The following PRKN variants were observed in gnomAD, a reference collection of about 807,000 sequenced individuals.
The protein encoded by PRKN is E3 ubiquitin-protein ligase parkin.
A neutral mutation model predicts 59.5 loss-of-function variants in PRKN; 56 were observed. The ratio of observed to expected loss-of-function variants is 0.94; its 90% CI spans 0.76 to 1.18. The LOEUF is 1.18. Ranked by LOEUF, PRKN falls within the 50% of genes most tolerant of loss-of-function variation. The pLI, the probability that PRKN is intolerant of heterozygous loss-of-function variation, is 0.00. For synonymous variants in PRKN, 250 were observed against 222.1 expected, an observed-to-expected ratio of 1.13 and a Z score of -1.12; for missense variants, 657 against 596.4, an observed-to-expected ratio of 1.10 and a Z score of -1.06.
chr6:162,615,486 T>C (rs1782370006), intron 1 of PRKN, among the ~76,000 whole-genome samples: 1 of 152,058 alleles, frequency 6.6e-6, no homozygotes, highest in Non-Finnish European at 1.5e-5. Context: ...ATGTACACCC[T>C]TGGCAGGCAC....
chr6:161,927,108 A>G (rs901972223), intron 6 of PRKN, among the ~76,000 whole-genome samples: 1 of 152,208 alleles, frequency 6.6e-6, no homozygotes, highest in African/African-American at 2.4e-5. Flanking sequence ...TGAAAAAAAA[A>G]TACACATACA....
At chr6:162,602,420 G>A (rs1781747691) in intron 1 of PRKN, among the ~76,000 whole-genome samples, 1 of 152,208 alleles carries the variant, frequency 6.6e-6, no homozygotes, top group Non-Finnish European at 1.5e-5. Flanking sequence ...ACAGAGGTGG[G>A]TGAAGCCAGA....
rs187067873 is a variant in PRKN, at chr6:162,467,811, C to T, written c.8-24338G>A. On this transcript the variant is annotated intron_variant, in intron 1 of 11. Transcript: ENST00000366898. Reference sequence around the variant, plus strand: ...GTCCTCCAGCCTCAACCCCCTGTCACGCTCCCGCTACGCCGCCCACCGAGC... The same window carrying T: ...GTCCTCCAGCCTCAACCCCCTGTCATGCTCCCGCTACGCCGCCCACCGAGC... Among the ~76,000 whole-genome samples, 302 of 151,862 alleles carry T rather than the reference C, an allele frequency of 2.0e-3. 1 individual carries two copies. The highest frequency in any genetic ancestry group is 8.4e-3 in the South Asian group (40 of 4,782).
chr6:161,412,376 T>C (rs1485582631), intron 9 of PRKN, among the ~76,000 whole-genome samples: 1 of 150,698 alleles, frequency 6.6e-6, no homozygotes, highest in Non-Finnish European at 1.5e-5. Context: ...CACTCACTCA[T>C]TCCTCCACTC....
At chr6:162,469,630 T>A (rs1488502976) in intron 1 of PRKN, among the ~76,000 whole-genome samples, 2 of 151,946 alleles carry the variant, frequency 1.3e-5, no homozygotes, top group Non-Finnish European at 2.9e-5. Flanking sequence ...AACTCAGGAA[T>A]GGCAAACCAA....
chr6:162,260,207 G>A (rs1391763724), intron 3 of PRKN, among the ~76,000 whole-genome samples: 4 of 152,104 alleles, frequency 2.6e-5, no homozygotes, highest in Admixed American at 6.5e-5. Flanking sequence ...CCTGCCAAAA[G>A]CACAAGGCTG....
At position 162,262,625 on chromosome 6, in the gene PRKN, C is replaced by G; in HGVS notation, c.312G>C (p.Arg104=). The G allele has an allele frequency of 6.2e-7, 1 of 1,613,832 alleles. No homozygotes were observed. The highest frequency in any genetic ancestry group is 8.5e-7 in the Non-Finnish European group (1 of 1,179,972). Residue 104 remains arginine (R), a synonymous_variant, in exon 3 of 12, where the codon CGG becomes CGC. Coordinates refer to ENST00000366898, the MANE Select transcript of PRKN (RefSeq NM_004562.3). ...GGAGGACTGAGCTGCTGAGGTCCAC[C>G]CGAGTCAAGCTCTGGGGCTCCCGCT... ...GCEREPQSLT[R]VDLSSSVLPG...
intron 4 of PRKN, among the ~76,000 whole-genome samples, chr6:162,054,669 G>C (rs1777785357): frequency 6.6e-6 from 1 of 152,204 alleles, no homozygotes; most frequent in Non-Finnish European, 1.5e-5. Flanking sequence ...ACCTAGAGGA[G>C]GGCCTGGCAT....
At chr6:162,393,150 A>T (rs555572832) in intron 2 of PRKN, among the ~76,000 whole-genome samples, 330 of 87,454 alleles carry the variant, frequency 3.8e-3, no homozygotes, top group Non-Finnish European at 6.0e-3. Context: ...TGAGGATAGG[A>T]GATTCTTTTT....
At chr6:161,599,707 G>A (rs976041290) in intron 7 of PRKN, among the ~76,000 whole-genome samples, 1 of 152,196 alleles carries the variant, frequency 6.6e-6, no homozygotes. Flanking sequence ...TGTTCTAGCT[G>A]TGTTTGGCAG....
At chr6:162,121,597 C>G (rs1780917444) in intron 4 of PRKN, among the ~76,000 whole-genome samples, 1 of 152,144 alleles carries the variant, frequency 6.6e-6, no homozygotes, top group African/African-American at 2.4e-5. Context: ...TGACAAGGGC[C>G]TTATGATCCA....
Position 161,352,947 on chromosome 6 carries a change from A to G in PRKN, c.1286-2736T>C, listed in dbSNP as rs1399121761. Among the ~76,000 whole-genome samples the G allele has an allele frequency of 2.0e-5, 3 of 151,376 alleles. No homozygotes were observed. Among genetic ancestry groups the G allele is most frequent in the Admixed American group, 6.6e-5 (1 of 15,142 alleles). ...GGCACCTGCCACCACGCCTGGCTAA[A>G]TTTTGTATTTTTAGTAGAGACGGGG... is the stretch of plus-strand genomic sequence containing the variant. On this transcript the variant is annotated intron_variant, in intron 11 of 11. Coordinates refer to ENST00000366898, the MANE Select transcript of PRKN (RefSeq NM_004562.3). The surrounding 1 kb of genome is among the most constrained non-coding windows in gnomAD (Gnocchi z 5.8).
At chr6:161,693,141 A>T (rs1785871302) in intron 7 of PRKN, among the ~76,000 whole-genome samples, 1 of 152,172 alleles carries the variant, frequency 6.6e-6, no homozygotes, top group Non-Finnish European at 1.5e-5. Flanking sequence ...GAGATAATTT[A>T]AAAAGCTTAT....
intron 1 of PRKN, among the ~76,000 whole-genome samples, chr6:162,679,582 C>T (rs929912186): frequency 1.3e-5 from 2 of 152,118 alleles, no homozygotes; most frequent in Non-Finnish European, 2.9e-5. Flanking sequence ...TGAAAAAGGA[C>T]ATTTTTTCTA....
intron 2 of PRKN, among the ~76,000 whole-genome samples, chr6:162,329,231 T>G (rs1783458726): frequency 6.6e-6 from 1 of 152,032 alleles, no homozygotes; most frequent in East Asian, 1.9e-4. Flanking sequence ...TGAGTGAAAA[T>G]GAGGACGGAA....
intron 6 of PRKN, among the ~76,000 whole-genome samples, chr6:161,894,166 GCCAACCCCTTCGACCTA>G (rs1361131115): frequency 6.6e-6 from 1 of 152,020 alleles, no homozygotes; most frequent in African/African-American, 2.4e-5. Context: ...CTACCCACCT[GCCAACCCCTTCGACCTA>G]CCAACCCCAC....
intron 4 of PRKN, among the ~76,000 whole-genome samples, chr6:162,149,754 T>C (rs970237588): frequency 6.6e-6 from 1 of 151,986 alleles, no homozygotes; most frequent in African/African-American, 2.4e-5. Context: ...TGCGCAACTG[T>C]CTAGTGCCAT....
chr6:161,970,164 C>T (rs1477370338), intron 6 of PRKN, among the ~76,000 whole-genome samples: 1 of 152,054 alleles, frequency 6.6e-6, no homozygotes, highest in African/African-American at 2.4e-5. Flanking sequence ...GCCTCAGCCT[C>T]CCAGGTAGCT....
At position 161,378,270 on chromosome 6, in the gene PRKN, G is replaced by A. The variant is rs758924736; in HGVS notation, c.1167+8524C>T. ...GGCCAGTGGACCACTGCCAGCCTCC[G>A]CCACTGGCCACAGCAGTCCTGGGCC... On this transcript the variant is annotated intron_variant, in intron 10 of 11. Transcript: ENST00000366898. The surrounding 1 kb of genome is among the most constrained non-coding windows in gnomAD (Gnocchi z 7.3). Among the ~76,000 whole-genome samples, 7 of 152,080 alleles carry A rather than the reference G, an allele frequency of 4.6e-5. No individual in the cohort carries two copies. The highest frequency in any genetic ancestry group is 1.3e-4 in the Admixed American group (2 of 15,272).
Sources: gnomAD v4.1 joint callset for allele counts (sites outside exome capture counted in the v4.1 genomes callset) on GRCh38, gnomAD v4.1.1 for gene constraint, Gnocchi (gnomAD v3.1) non-coding constraint, MANE v1.5 for transcripts, NCBI Gene and HGNC (gene_info 2026-07-23, HGNC 2026-07-21) for gene names.